Variants in GSE1 observed in about 807,000 individuals in gnomAD.
GSE1 encodes the protein genetic suppressor element 1.
In GSE1, 32 loss-of-function variants were observed where a neutral mutation model predicts 112.6. That is an observed-to-expected ratio of 0.28 (90% CI 0.21 to 0.38). The LOEUF is 0.38. Ranked by LOEUF, GSE1 falls within the 10% of genes least tolerant of loss-of-function variation. The probability of loss-of-function intolerance (pLI) is 1.00; values close to 1 mark genes in which losing one functional copy is unlikely to be tolerated. For missense variants in GSE1, 2,348 were observed against 1,699.2 expected, an observed-to-expected ratio of 1.38 and a Z score of -6.71; for synonymous variants, 1,115 against 735.6, an observed-to-expected ratio of 1.52 and a Z score of -8.35.
In GSE1 at chr16:85,583,995, C is replaced by T. The variant is rs185194405; in HGVS notation, c.37+27632C>T. On this transcript the variant is annotated intron_variant, in intron 1 of 2. Transcript: ENST00000635906. ...TTCCCACTGTGATCTCCATAGATTT[C>T]TTTGTCTCCTTCAATTGGCCCTAAT... 5.8e-3 allele frequency among the ~76,000 whole-genome samples: 888 copies of T among 152,336 alleles called. 7 individuals are homozygous for T. Among genetic ancestry groups the T allele is most frequent in the Non-Finnish European group, 0.01 (706 of 68,030 alleles).
chr16:85,640,910 A>G (rs7204836), intron 2 of GSE1, among the ~76,000 whole-genome samples: 17,987 of 151,938 alleles, frequency 0.12, 1,137 homozygotes, highest in Middle Eastern at 0.15. Flanking sequence ...CGGGGGCCAG[A>G]GGGCTGGTGG....
chr16:85,296,940 C>T (rs149803166), intron 1 of GSE1, among the ~76,000 whole-genome samples: 2,209 of 152,324 alleles, frequency 0.015, 55 homozygotes, highest in Middle Eastern at 0.027. Context: ...GCTGCTCCCC[C>T]GGCGCTTCCC....
upstream of GSE1, among the ~76,000 whole-genome samples, chr16:85,609,004 G>A (rs1022195724): frequency 2.0e-5 from 3 of 152,190 alleles, no homozygotes; most frequent in African/African-American, 7.2e-5. Flanking sequence ...GAACGTGTCC[G>A]GGATCCATCC....
At chr16:85,662,639 T>G in intron 9 of GSE1, 1 of 257,216 alleles carries the variant, frequency 3.9e-6, no homozygotes, top group Non-Finnish European at 7.4e-6. Context: ...CATGGGGGAG[T>G]GCATGTGCAC....
At chr16:85,235,968 G>A (rs1219036315) in intron 1 of GSE1, among the ~76,000 whole-genome samples, 4 of 151,956 alleles carry the variant, frequency 2.6e-5, no homozygotes, top group Non-Finnish European at 4.4e-5. Flanking sequence ...CGCCCCCTCC[G>A]GCGCCGGGCC....
chr16:85,612,012 G>T (rs1253898165), upstream of GSE1, among the ~76,000 whole-genome samples: 2 of 151,840 alleles, frequency 1.3e-5, no homozygotes, highest in Non-Finnish European at 2.9e-5. Flanking sequence ...GCGCTGGGGC[G>T]GCCGCCCAGG....
intron 1 of GSE1, among the ~76,000 whole-genome samples, chr16:85,191,069 G>T (rs1409609231): frequency 1.3e-5 from 2 of 152,212 alleles, no homozygotes; most frequent in Non-Finnish European, 2.9e-5. Context: ...CACCAGCCTG[G>T]CCAACATGGT....
At chr16:85,232,968 A>C (rs1230727927) in intron 1 of GSE1, among the ~76,000 whole-genome samples, 1 of 152,264 alleles carries the variant, frequency 6.6e-6, no homozygotes, top group African/African-American at 2.4e-5. Flanking sequence ...GGCGGGGGCC[A>C]CGTGGGCGTC....
intron 2 of GSE1, among the ~76,000 whole-genome samples, chr16:85,453,772 G>A (rs565161592): frequency 2.1e-4 from 32 of 152,278 alleles, no homozygotes; most frequent in East Asian, 3.9e-4. Context: ...TGCACAAGGC[G>A]GTCGCACCCC....
intron 2 of GSE1, among the ~76,000 whole-genome samples, chr16:85,528,208 A>C (rs976756929): frequency 3.3e-5 from 5 of 152,264 alleles, no homozygotes; most frequent in African/African-American, 1.2e-4. Context: ...TCGAACAAAC[A>C]GATCAACAGA....
intron 1 of GSE1, among the ~76,000 whole-genome samples, chr16:85,291,845 A>G (rs971947337): frequency 6.6e-6 from 1 of 151,260 alleles, no homozygotes; most frequent in Non-Finnish European, 1.5e-5. Context: ...AGCACAAAAC[A>G]CTCGTCCCTC....
In GSE1 at chr16:85,345,056, C is replaced by T. The variant is rs1020321224; in HGVS notation, c.2284-12407C>T. Among the ~76,000 whole-genome samples the T allele has an allele frequency of 3.9e-5, 6 of 152,174 alleles. No individual in the cohort carries two copies. The South Asian group carries it at 1.0e-3, about 26-fold the overall frequency. On this transcript the variant is annotated intron_variant, in intron 1 of 2. Transcript: ENST00000637419. ...AAGAAACTTCCTTGTGTTTAGGAGT[C>T]GGCGTACACCGTGCCCCACCTCCCA... is the stretch of plus-strand genomic sequence containing the variant.
intron 1 of GSE1, among the ~76,000 whole-genome samples, chr16:85,343,797 C>T (rs1477502472): frequency 1.3e-5 from 2 of 152,198 alleles, no homozygotes; most frequent in Non-Finnish European, 2.9e-5. Context: ...GATGTCTCTT[C>T]AGCTCGGAAC....
intron 1 of GSE1, among the ~76,000 whole-genome samples, chr16:85,302,248 C>T (rs1427281776): frequency 6.6e-6 from 1 of 152,146 alleles, no homozygotes; most frequent in Non-Finnish European, 1.5e-5. Flanking sequence ...TTCAGGAGCC[C>T]CAATTAATCA....
intron 1 of GSE1, among the ~76,000 whole-genome samples, chr16:85,256,290 C>G (rs767198641): frequency 5.9e-5 from 9 of 152,212 alleles, no homozygotes; most frequent in Admixed American, 2.0e-4. Context: ...ATAATGACAA[C>G]AGCCAGCACC....
At chr16:85,261,894 G>T (rs555859108) in intron 1 of GSE1, among the ~76,000 whole-genome samples, 1 of 152,298 alleles carries the variant, frequency 6.6e-6, no homozygotes, top group African/African-American at 2.4e-5. Flanking sequence ...GCTGTCCCTG[G>T]GGGGCTAAAC....
intron 2 of GSE1, among the ~76,000 whole-genome samples, chr16:85,426,056 T>TGGATGGAAGGAAGGATGGATGGATGGAA (rs1555510019): frequency 3.6e-4 from 52 of 144,138 alleles, no homozygotes; most frequent in Non-Finnish European, 6.1e-4. Context: ...GATGGATGGA[T>TGGATGGAAGGAAGGATGGATGGATGGAA]GGATGGATGG....
chr16:85,288,316 G>A (rs1328968921), intron 1 of GSE1, among the ~76,000 whole-genome samples: 2 of 152,212 alleles, frequency 1.3e-5, no homozygotes, highest in South Asian at 2.1e-4. Flanking sequence ...AATTAGAGAG[G>A]CACTGACCCT....
rs375370402 is a variant in GSE1, at chr16:85,648,615, C to G, written c.290C>G (p.Ala97Gly). The change falls in exon 3 of 16, where the codon GCC (alanine) becomes GGC (glycine). Residue 97 changes from alanine to glycine, a missense_variant. Physicochemically the swap from Ala to Gly is moderately conservative, Grantham distance 60. Coordinates refer to ENST00000253458, the MANE Select transcript of GSE1 (RefSeq NM_014615.5). The part of the protein sequence containing the change: ...SSPATNHSSP[A>G]STPKRVPMGP... The stretch of plus-strand genomic sequence containing the variant: ...CCGGCCACCAACCACAGCTCCCCCG[C>G]CAGCACACCCAAGCGCGTGCCCATG... The G allele has an allele frequency of 1.2e-6, 2 of 1,606,864 alleles. No individual in the cohort carries two copies. The highest frequency in any genetic ancestry group is 1.7e-6 in the Non-Finnish European group (2 of 1,176,394).
Sources: gnomAD v4.1 joint callset for allele counts (sites outside exome capture counted in the v4.1 genomes callset) on GRCh38, gnomAD v4.1.1 for gene constraint, MANE v1.5 for transcripts, NCBI Gene and HGNC (gene_info 2026-07-23, HGNC 2026-07-21) for gene names.